Variants in ZMYND12 observed in about 807,000 individuals in gnomAD.
ZMYND12 encodes zinc finger MYND domain-containing protein 12.
Under a neutral mutation model 41.7 loss-of-function variants are expected in ZMYND12, and 32 were observed. The ratio of observed to expected loss-of-function variants is 0.77; its 90% CI spans 0.58 to 1.03. The LOEUF (loss-of-function observed/expected upper bound fraction) is 1.03. Ranked by LOEUF, ZMYND12 falls within the 50% of genes least tolerant of loss-of-function variation. ZMYND12 has a pLI of 0.00. For synonymous variants in ZMYND12, 148 were observed against 164.8 expected, an observed-to-expected ratio of 0.90 and a Z score of 0.78; for missense variants, 424 against 438.5, an observed-to-expected ratio of 0.97 and a Z score of 0.30.
At chr1:42,444,179 T>G (rs556138017) in intron 3 of ZMYND12, among the ~76,000 whole-genome samples, 2 of 152,152 alleles carry the variant, frequency 1.3e-5, no homozygotes, top group African/African-American at 4.8e-5. Context: ...AGCAGACACC[T>G]GAAGGATGAT....
In ZMYND12 at chr1:42,430,600, G is replaced by T; in HGVS notation, c.*136C>A. On this transcript the variant is annotated 3_prime_UTR_variant, in exon 8 of 8. Coordinates refer to ENST00000372565, the MANE Select transcript of ZMYND12 (RefSeq NM_032257.5). The stretch of plus-strand genomic sequence containing the variant: ...TATGCTGTGTAAGAAAAAAATAACA[G>T]CTATGTGTGCAATCCCAGGGGAAGA... The T allele has an allele frequency of 2.6e-6, 3 of 1,140,218 alleles. No individual in the cohort carries two copies. The highest frequency in any genetic ancestry group is 1.7e-5 in the South Asian group (1 of 58,328). 70.6% of individuals were successfully genotyped at this position (1,140,218 alleles called of 1,614,324 possible).
intron 3 of ZMYND12, among the ~76,000 whole-genome samples, chr1:42,441,714 A>G (rs910013652): frequency 1.9e-4 from 29 of 151,410 alleles, no homozygotes; most frequent in Admixed American, 1.4e-3. Context: ...TCCGCCTCCC[A>G]GGTTCACGCC....
At chr1:42,450,382 CCTCA>C (rs1230232575) in intron 1 of ZMYND12, among the ~76,000 whole-genome samples, 12 of 152,092 alleles carry the variant, frequency 7.9e-5, no homozygotes, top group Non-Finnish European at 1.3e-4. Flanking sequence ...GTAGTAATGT[CCTCA>C]CTTTCATTTC....
intron 1 of ZMYND12, among the ~76,000 whole-genome samples, chr1:42,452,975 A>G (rs1643098419): frequency 6.6e-6 from 1 of 152,182 alleles, no homozygotes; most frequent in African/African-American, 2.4e-5. Context: ...AATCAGGAAA[A>G]AAATTCTTTT....
intron 3 of ZMYND12, among the ~76,000 whole-genome samples, chr1:42,445,001 G>C (rs1171178810): frequency 6.6e-6 from 1 of 151,026 alleles, no homozygotes; most frequent in Non-Finnish European, 1.5e-5. Flanking sequence ...GTAGAGACAG[G>C]GTTTCACCGT....
At chr1:42,444,348 C>T (rs1392262503) in intron 3 of ZMYND12, among the ~76,000 whole-genome samples, 2 of 152,160 alleles carry the variant, frequency 1.3e-5, no homozygotes, top group Non-Finnish European at 1.5e-5. Flanking sequence ...CCAAATCACT[C>T]CAGTCTGAAG....
intron 4 of ZMYND12, among the ~76,000 whole-genome samples, chr1:42,439,419 C>T (rs1198613687): frequency 6.6e-6 from 1 of 152,206 alleles, no homozygotes; most frequent in Non-Finnish European, 1.5e-5. Flanking sequence ...GCATGCACCA[C>T]CACGCCTGGC....
chr1:42,450,117 T>C (rs1643068419), intron 1 of ZMYND12, 58 bp from the exon 2 acceptor site: 1 of 1,589,982 alleles, frequency 6.3e-7, no homozygotes, highest in South Asian at 1.1e-5. Context: ...TAAGATTCCA[T>C]TAACCCTCCT....
chr1:42,439,577 T>G (rs1209355804), intron 4 of ZMYND12, among the ~76,000 whole-genome samples: 2 of 152,284 alleles, frequency 1.3e-5, no homozygotes, highest in Admixed American at 1.3e-4. Flanking sequence ...AAAGCCCTTC[T>G]CTTAACGAGT....
At chr1:42,435,059 C>T (rs978993214) in intron 6 of ZMYND12, among the ~76,000 whole-genome samples, 3 of 152,076 alleles carry the variant, frequency 2.0e-5, no homozygotes, top group Non-Finnish European at 4.4e-5. Flanking sequence ...TAGTAACCCC[C>T]GAATGGCTAT....
chr1:42,448,123 CAGAT>C (rs111483409), intron 3 of ZMYND12, among the ~76,000 whole-genome samples: 27,137 of 152,060 alleles, frequency 0.18, 2,613 homozygotes, highest in African/African-American at 0.24. Flanking sequence ...AATAGCAAAG[CAGAT>C]AGATACCCAG....
chr1:42,440,522 A>G (rs1188669325), intron 3 of ZMYND12, among the ~76,000 whole-genome samples: 1 of 152,100 alleles, frequency 6.6e-6, no homozygotes, highest in Non-Finnish European at 1.5e-5. Flanking sequence ...CAGGGGGTCC[A>G]ATGCAAGGGA....
In ZMYND12 at chr1:42,441,564, G is replaced by A. The variant is rs139087852; in HGVS notation, c.425-1539C>T. 3.1e-3 allele frequency among the ~76,000 whole-genome samples: 464 copies of A among 151,996 alleles called. 7 individuals are homozygous for A. The highest frequency in any genetic ancestry group is 0.011 in the African/African-American group (440 of 41,452). ...CTACTATATCATTTTTGTCTTTTTT[G>A]TTTACATTTTTTCTTTTTTTGTTTA... is the stretch of plus-strand genomic sequence containing the variant. On this transcript the variant is annotated intron_variant, in intron 3 of 7. Transcript: ENST00000372565.
At chr1:42,431,702 T>C (rs547893601) in intron 7 of ZMYND12, among the ~76,000 whole-genome samples, 84 of 152,196 alleles carry the variant, frequency 5.5e-4, no homozygotes, top group Non-Finnish European at 9.6e-4. Flanking sequence ...CATTGCACCG[T>C]AGAAATGAGG....
At chr1:42,431,851 A>T (rs1642857058) in intron 7 of ZMYND12, among the ~76,000 whole-genome samples, 1 of 152,100 alleles carries the variant, frequency 6.6e-6, no homozygotes, top group Admixed American at 6.5e-5. Context: ...ACACTCTATT[A>T]TAACCTGTGA....
At chr1:42,436,828 A>G (rs1026127939) in intron 4 of ZMYND12, among the ~76,000 whole-genome samples, 2 of 152,012 alleles carry the variant, frequency 1.3e-5, no homozygotes, top group Admixed American at 6.6e-5. Flanking sequence ...AGTGTTGGGA[A>G]GGATATGGAG....
chr1:42,448,639 C>T lies in ZMYND12; in HGVS notation c.253-1G>A. The T allele has an allele frequency of 6.2e-7, 1 of 1,606,510 alleles. No individual in the cohort carries two copies. The highest frequency in any genetic ancestry group is 8.5e-7 in the Non-Finnish European group (1 of 1,176,002). On this transcript the variant is annotated splice_acceptor_variant, in intron 2 of 7. Transcript: ENST00000372565. LOFTEE classifies it high-confidence loss of function. ...TGTAGCAGAATTCAATCAAATACTT[C>T]TGTGGAAGAGAGAAACAGACTATCT... is the stretch of plus-strand genomic sequence containing the variant.
intron 1 of ZMYND12, among the ~76,000 whole-genome samples, chr1:42,453,835 T>G (rs12040652): frequency 0.2 from 30,630 of 152,210 alleles, 3,369 homozygotes; most frequent in South Asian, 0.42. Context: ...CTTGCCCAAG[T>G]TAATGGGTTT....
At chr1:42,446,220 T>C (rs1432158669) in intron 3 of ZMYND12, among the ~76,000 whole-genome samples, 2 of 152,154 alleles carry the variant, frequency 1.3e-5, no homozygotes, top group South Asian at 4.1e-4. Flanking sequence ...CTCATTAATA[T>C]GTAAATAAAC....
Sources: allele counts gnomAD v4.1 joint callset (sites outside exome capture counted in the v4.1 genomes callset), GRCh38; gene constraint gnomAD v4.1.1; transcripts MANE v1.5; gene names NCBI Gene and HGNC (gene_info 2026-07-23, HGNC 2026-07-21).